The following MLLT10 variants were observed in gnomAD, a reference collection of about 807,000 sequenced individuals.
The protein encoded by MLLT10 is protein AF-10.
MLLT10 carries 30 observed loss-of-function variants against 129.1 expected under a neutral mutation model. The observed-to-expected ratio is 0.23, with a 90% confidence interval of 0.17 to 0.32. The LOEUF is 0.32. Ranked by LOEUF, MLLT10 falls within the 10% of genes least tolerant of loss-of-function variation. The pLI is 1.00. For missense variants in MLLT10, 1,119 were observed against 1,268.3 expected, an observed-to-expected ratio of 0.88 and a Z score of 1.79; for synonymous variants, 490 against 446.4, an observed-to-expected ratio of 1.10 and a Z score of -1.23.
At chr10:21,681,547 A>G (rs2052739192) in intron 12 of MLLT10, among the ~76,000 whole-genome samples, 171 bp downstream of exon 12, 1 of 152,234 alleles carries the variant, frequency 6.6e-6, no homozygotes, top group Non-Finnish European at 1.5e-5. Flanking sequence ...TTGTCTTGTT[A>G]TAGATCCATA....
intron 14 of MLLT10, among the ~76,000 whole-genome samples, chr10:21,724,159 G>A (rs1220259110): frequency 6.6e-6 from 1 of 152,206 alleles, no homozygotes; most frequent in African/African-American, 2.4e-5. Context: ...GACTTTGTCT[G>A]CATATTTTTA....
intron 3 of MLLT10, among the ~76,000 whole-genome samples, chr10:21,581,050 T>G (rs1472107905): frequency 6.7e-6 from 1 of 149,606 alleles, no homozygotes; most frequent in East Asian, 2.0e-4. Flanking sequence ...GTGAATTTTT[T>G]TTTTTTTTTT....
intron 3 of MLLT10, among the ~76,000 whole-genome samples, chr10:21,569,374 C>T (rs1164787644): frequency 6.6e-6 from 1 of 151,772 alleles, no homozygotes; most frequent in Admixed American, 6.6e-5. Flanking sequence ...CCTCCCACCT[C>T]AGCCTCCCCA....
chr10:21,576,151 C>T (rs2040711813), intron 3 of MLLT10, among the ~76,000 whole-genome samples: 1 of 151,508 alleles, frequency 6.6e-6, no homozygotes, highest in Admixed American at 6.6e-5. Flanking sequence ...GGTTTCGAAC[C>T]CCTGGCCTCA....
chr10:21,625,503 T>TC, intron 8 of MLLT10: 1 of 963,464 alleles, frequency 1.0e-6, no homozygotes, highest in Non-Finnish European at 1.7e-6. Flanking sequence ...TAACTACATT[T>TC]CCCCATACTT....
Position 21,628,740 on chromosome 10 carries a change from C to CTTT in MLLT10, c.699+11555_699+11557dup, listed in dbSNP as rs1161362725. 7.8e-4 allele frequency among the ~76,000 whole-genome samples: 77 copies of CTTT among 99,338 alleles called. 2 individuals are homozygous for CTTT. The highest frequency in any genetic ancestry group is 2.4e-3 in the African/African-American group (54 of 22,130). The allele number at this position is 99,338 out of a possible 152,430, so 65.2% of individuals were successfully genotyped here. On this transcript the variant is annotated intron_variant, in intron 8 of 22. Coordinates refer to ENST00000307729, the MANE Select transcript of MLLT10 (RefSeq NM_001195626.3). ...ACAGGCATGAACCACTGTGCCCTGC[C>CTTT]TTTTTTTTTTTTTTTTTTTTTTTTG...
chr10:21,727,918 C>G lies in MLLT10; in HGVS notation c.2053C>G (p.Leu685Val). 2 of 1,613,940 alleles carry G rather than the reference C, an allele frequency of 1.2e-6. No individual in the cohort carries two copies. The highest frequency in any genetic ancestry group is 1.7e-6 in the Non-Finnish European group (2 of 1,179,932). Residue 685 changes from leucine to valine, a missense_variant, in exon 16 of 23, where the codon CTC becomes GTC. Leu to Val is a conservative substitution (Grantham distance 32, BLOSUM62 1). Coordinates refer to ENST00000307729, the MANE Select transcript of MLLT10 (RefSeq NM_001195626.3). ...VGRGSSPRGS[L>V]SPRSPVSSLQ... Reference sequence around the variant, plus strand: ...CAGAGGAAGCTCACCCCGAGGAAGTCTCTCGCCACGGTAAGCGCTATTTAC... The same window carrying G: ...CAGAGGAAGCTCACCCCGAGGAAGTGTCTCGCCACGGTAAGCGCTATTTAC...
At chr10:21,575,119 TC>T (rs1397478236) in intron 3 of MLLT10, among the ~76,000 whole-genome samples, 2 of 152,178 alleles carry the variant, frequency 1.3e-5, no homozygotes, top group African/African-American at 4.8e-5. Flanking sequence ...ATTTCTTTTT[TC>T]TACTTACTTT....
chr10:21,697,939 CATA>C (rs1359160231), intron 13 of MLLT10, among the ~76,000 whole-genome samples: 2 of 152,168 alleles, frequency 1.3e-5, no homozygotes, highest in African/African-American at 2.4e-5. Flanking sequence ...TTTATCGCTA[CATA>C]ATAATTTACC....
chr10:21,688,611 C>A, intron 13 of MLLT10: 2 of 1,301,878 alleles, frequency 1.5e-6, no homozygotes, highest in Admixed American at 1.9e-5. Flanking sequence ...TGGAAACCTT[C>A]CCATACAAAC....
rs150507125 is a variant in MLLT10, at chr10:21,679,182, T to C, written c.1622-2150T>C. ...CTGTTTTATAGTGACTTGTACAAAA[T>C]GGAAAATTAGTGTGTTTCTAAAAGT... On this transcript the variant is annotated intron_variant, in intron 11 of 22. Coordinates refer to ENST00000307729, the MANE Select transcript of MLLT10 (RefSeq NM_001195626.3). 6.1e-3 allele frequency among the ~76,000 whole-genome samples: 934 copies of C among 152,300 alleles called. 8 individuals are homozygous for C. Among genetic ancestry groups the C allele is most frequent in the Middle Eastern group, 0.024 (7 of 294 alleles).
intron 3 of MLLT10, among the ~76,000 whole-genome samples, chr10:21,574,812 C>T (rs1026553360): frequency 5.3e-5 from 8 of 152,124 alleles, no homozygotes; most frequent in South Asian, 2.1e-4. Context: ...GCAGTGAGGA[C>T]GACCAGAGGT....
chr10:21,671,237 G>A (rs564026652), intron 10 of MLLT10, among the ~76,000 whole-genome samples: 3 of 152,282 alleles, frequency 2.0e-5, no homozygotes, highest in East Asian at 3.9e-4. Context: ...GGCTGGTCTC[G>A]AACTGCTGAT....
Position 21,534,305 on chromosome 10 carries a change from A to C in MLLT10, c.-216A>C. The stretch of plus-strand genomic sequence containing the variant: ...CCCTCGCTGCCCCTGGCCCAGCGGG[A>C]GCCCCCCCTCCCCCCAGTGCGCCTG... On this transcript the variant is annotated 5_prime_UTR_variant, in exon 1 of 23. Coordinates refer to ENST00000307729, the MANE Select transcript of MLLT10 (RefSeq NM_001195626.3). 14 of 302,924 alleles carry C rather than the reference A, an allele frequency of 4.6e-5. No homozygotes were observed. Among genetic ancestry groups the C allele is most frequent in the Admixed American group, 6.0e-5 (1 of 16,614 alleles). The allele number at this position is 302,924 out of a possible 1,614,324, so 18.8% of individuals were successfully genotyped here.
intron 8 of MLLT10, among the ~76,000 whole-genome samples, chr10:21,639,190 A>C (rs1167847641): frequency 6.6e-6 from 1 of 152,216 alleles, no homozygotes; most frequent in African/African-American, 2.4e-5. Flanking sequence ...GTAATCTCAC[A>C]ATACAGAATG....
At chr10:21,646,231 C>G (rs1341028881) in intron 8 of MLLT10, among the ~76,000 whole-genome samples, 1 of 151,920 alleles carries the variant, frequency 6.6e-6, no homozygotes, top group African/African-American at 2.4e-5. Context: ...ACAAAAAAAC[C>G]CCTCTCCTGT....
At chr10:21,542,792 A>G (rs1344777233) in intron 3 of MLLT10, among the ~76,000 whole-genome samples, 1 of 152,180 alleles carries the variant, frequency 6.6e-6, no homozygotes, top group Non-Finnish European at 1.5e-5. Flanking sequence ...AGGCCGAGGC[A>G]GGAGGATCCA....
At chr10:21,636,137 T>G (rs1312364617) in intron 8 of MLLT10, among the ~76,000 whole-genome samples, 1 of 152,044 alleles carries the variant, frequency 6.6e-6, no homozygotes, top group East Asian at 1.9e-4. Flanking sequence ...GTTGTTGTTT[T>G]TGAGATAGAG....
chr10:21,599,412 A>G (rs935006335), intron 5 of MLLT10, among the ~76,000 whole-genome samples: 1 of 152,106 alleles, frequency 6.6e-6, no homozygotes, highest in Non-Finnish European at 1.5e-5. Flanking sequence ...TACACACACT[A>G]ATCTCTATTA....
Sources: gnomAD v4.1 joint callset for allele counts (sites outside exome capture counted in the v4.1 genomes callset) on GRCh38, gnomAD v4.1.1 for gene constraint, MANE v1.5 for transcripts, NCBI Gene and HGNC (gene_info 2026-07-23, HGNC 2026-07-21) for gene names.